Variants in RAB38 observed in about 807,000 individuals in gnomAD.
RAB38 encodes ras-related protein Rab-38.
RAB38 carries 15 observed loss-of-function variants against 18.4 expected under a neutral mutation model. The ratio of observed to expected loss-of-function variants is 0.82; its 90% CI spans 0.55 to 1.26. The LOEUF is 1.26. RAB38 is among the 50% of genes most tolerant of loss of function. The pLI is 0.00. For missense variants in RAB38, 294 were observed against 267.4 expected (o/e 1.10, Z -0.69); for synonymous variants, 101 against 104.4 (o/e 0.97, Z 0.20).
the RAB38 span, among the ~76,000 whole-genome samples, chr11:87,955,984 T>G: frequency 2.6e-5 from 4 of 152,102 alleles, no homozygotes; most frequent in Non-Finnish European, 5.9e-5. Flanking sequence ...ATAAAACTCT[T>G]GCTTCAGTAC....
intron 2 of RAB38, among the ~76,000 whole-genome samples, chr11:88,129,119 A>C (rs1301846840): frequency 6.6e-6 from 1 of 152,200 alleles, no homozygotes; most frequent in Non-Finnish European, 1.5e-5. Flanking sequence ...TTTTCCGTAA[A>C]CTTACACATT....
the RAB38 span, among the ~76,000 whole-genome samples, chr11:87,823,928 T>A: frequency 6.6e-6 from 1 of 152,194 alleles, no homozygotes; most frequent in Non-Finnish European, 1.5e-5. Context: ...TCTGTGAAGA[T>A]ATGCCAACAA....
chr11:87,957,254 A>G, the RAB38 span, among the ~76,000 whole-genome samples: 6 of 152,112 alleles, frequency 3.9e-5, no homozygotes, highest in East Asian at 1.9e-4. Flanking sequence ...ACAGTAGACA[A>G]TGGGATCATA....
the RAB38 span, among the ~76,000 whole-genome samples, chr11:87,870,239 T>A: frequency 0.12 from 17,934 of 151,598 alleles, 1,534 homozygotes; most frequent in African/African-American, 0.24. Context: ...TGGGGCTGTT[T>A]ACTGTACTTC....
the RAB38 span, among the ~76,000 whole-genome samples, chr11:87,873,926 A>G: frequency 0.036 from 3,590 of 99,386 alleles, 179 homozygotes; most frequent in African/African-American, 0.14. Flanking sequence ...GTGTGTGTAT[A>G]TATATATATA....
At chr11:87,962,075 A>G in the RAB38 span, among the ~76,000 whole-genome samples, 2 of 152,194 alleles carry the variant, frequency 1.3e-5, no homozygotes, top group African/African-American at 2.4e-5. Flanking sequence ...GTTTGTTACT[A>G]GCACTACATT....
At chr11:87,871,870 G>A in the RAB38 span, among the ~76,000 whole-genome samples, 2 of 151,396 alleles carry the variant, frequency 1.3e-5, no homozygotes, top group Non-Finnish European at 3.0e-5. Context: ...ACATTCCACT[G>A]AATGAACATA....
the RAB38 span, among the ~76,000 whole-genome samples, chr11:87,890,982 A>G: frequency 3.3e-5 from 5 of 151,844 alleles, no homozygotes; most frequent in Non-Finnish European, 5.9e-5. Flanking sequence ...CCTTCTAAGT[A>G]TAAGGCCATG....
chr11:88,040,566 A>T, the RAB38 span, among the ~76,000 whole-genome samples: 1 of 152,244 alleles, frequency 6.6e-6, no homozygotes, highest in African/African-American at 2.4e-5. Flanking sequence ...TTAGCTGGGT[A>T]TGGTGGCTCA....
the RAB38 span, among the ~76,000 whole-genome samples, chr11:87,857,118 G>GT: frequency 4.6e-5 from 7 of 151,960 alleles, no homozygotes; most frequent in Non-Finnish European, 7.4e-5. Context: ...GTGGTGTTTG[G>GT]TTTTTTGTCC....
intron 2 of RAB38, among the ~76,000 whole-genome samples, chr11:88,123,979 T>A (rs1296354821): frequency 6.6e-6 from 1 of 152,208 alleles, no homozygotes; most frequent in Non-Finnish European, 1.5e-5. Flanking sequence ...TCTTATGCCC[T>A]AGCCCTTAAC....
At chr11:88,091,024 C>T in the RAB38 span, among the ~76,000 whole-genome samples, 3 of 151,994 alleles carry the variant, frequency 2.0e-5, 1 homozygote, top group South Asian at 4.2e-4. Context: ...CATTTTAGAA[C>T]TGAAAATAAA....
At chr11:87,823,609 C>T in the RAB38 span, among the ~76,000 whole-genome samples, 1 of 151,932 alleles carries the variant, frequency 6.6e-6, no homozygotes, top group Non-Finnish European at 1.5e-5. Context: ...GAAATATATC[C>T]ACATGTCAAT....
the RAB38 span, among the ~76,000 whole-genome samples, chr11:88,093,033 CAT>C: frequency 1.3e-5 from 2 of 151,858 alleles, no homozygotes; most frequent in Non-Finnish European, 2.9e-5. Context: ...TGGTTGACCA[CAT>C]AATTTTGTTT....
chr11:87,858,770 T>A, the RAB38 span, among the ~76,000 whole-genome samples: 3 of 152,036 alleles, frequency 2.0e-5, no homozygotes, highest in Admixed American at 2.0e-4. Flanking sequence ...TGTTGTTATA[T>A]GTAGGTCATT....
chr11:88,156,162 A>C (rs1455964689), intron 1 of RAB38, among the ~76,000 whole-genome samples: 5 of 152,016 alleles, frequency 3.3e-5, no homozygotes, highest in Admixed American at 3.3e-4. Context: ...ATTTAGATAC[A>C]AAAAAAATCC....
the RAB38 span, among the ~76,000 whole-genome samples, chr11:88,088,769 A>G: frequency 6.6e-6 from 1 of 151,942 alleles, no homozygotes; most frequent in Admixed American, 6.6e-5. Flanking sequence ...TAAATTATTT[A>G]AAGCAATGTG....
chr11:88,033,004 T>C, the RAB38 span, among the ~76,000 whole-genome samples: 1 of 152,180 alleles, frequency 6.6e-6, no homozygotes, highest in East Asian at 1.9e-4. Context: ...TAGACTGGAT[T>C]AAGAAAATGT....
the RAB38 span, among the ~76,000 whole-genome samples, chr11:87,805,410 T>C: frequency 6.6e-6 from 1 of 151,852 alleles, no homozygotes; most frequent in South Asian, 2.1e-4. Context: ...TTTTTTTTCC[T>C]GATGGCTAAA....
Sources: gnomAD v4.1 joint callset for allele counts (sites outside exome capture counted in the v4.1 genomes callset) on GRCh38, gnomAD v4.1.1 for gene constraint, MANE v1.5 for transcripts, NCBI Gene and HGNC (gene_info 2026-07-23, HGNC 2026-07-21) for gene names.